The following COG6 variants were observed in gnomAD, a reference collection of about 807,000 sequenced individuals.
COG6 encodes the protein conserved oligomeric Golgi complex subunit 6.
Under a neutral mutation model 88.8 loss-of-function variants are expected in COG6, and 74 were observed. The ratio of observed to expected loss-of-function variants is 0.83; its 90% CI spans 0.69 to 1.01. The LOEUF (loss-of-function observed/expected upper bound fraction) is 1.01, where lower values mean the gene tolerates loss of function less well. Among genes scored for constraint, COG6 ranks in the 50% least tolerant of loss-of-function variants. The probability of loss-of-function intolerance (pLI) is 0.00; values close to 1 mark genes in which losing one functional copy is unlikely to be tolerated. For missense variants in COG6, 800 were observed against 797.9 expected, an observed-to-expected ratio of 1.00 and a Z score of -0.03; for synonymous variants, 286 against 278.7, an observed-to-expected ratio of 1.03 and a Z score of -0.26.
chr13:39,701,490 C>G (rs1877575062), intron 13 of COG6, among the ~76,000 whole-genome samples: 1 of 151,814 alleles, frequency 6.6e-6, no homozygotes. Context: ...TTGGGAAACA[C>G]TGACGTTTAA....
chr13:39,734,757 T>C, intron 18 of COG6, among the ~76,000 whole-genome samples: 1 of 152,222 alleles, frequency 6.6e-6, no homozygotes, highest in Admixed American at 6.5e-5. Flanking sequence ...CTAATAATGC[T>C]TGCTTTGTAT....
chr13:39,683,225 C>T (rs373968862), intron 8 of COG6, among the ~76,000 whole-genome samples: 36 of 152,256 alleles, frequency 2.4e-4, no homozygotes, highest in African/African-American at 4.3e-4. Context: ...GATAAACAAA[C>T]GCATTTTAAT....
At chr13:39,761,097 A>T (rs1473894946) in intron 18 of COG6, among the ~76,000 whole-genome samples, 2 of 152,000 alleles carry the variant, frequency 1.3e-5, no homozygotes, top group East Asian at 3.9e-4. Context: ...CTATGTATCA[A>T]TTTGAGGAGA....
chr13:39,695,795 CTTG>C (rs1299938773), intron 12 of COG6, among the ~76,000 whole-genome samples: 2 of 151,894 alleles, frequency 1.3e-5, no homozygotes, highest in Admixed American at 6.6e-5. Flanking sequence ...TAGATATAAA[CTTG>C]TTGTCATCAT....
chr13:39,767,901 A>T (rs527508747), intron 18 of COG6, among the ~76,000 whole-genome samples: 69 of 152,306 alleles, frequency 4.5e-4, no homozygotes, highest in African/African-American at 1.6e-3. Context: ...CTTTGATTTT[A>T]AAAATGGAGA....
intron 18 of COG6, among the ~76,000 whole-genome samples, chr13:39,749,228 A>G (rs1880498234): frequency 1.3e-5 from 2 of 152,226 alleles, no homozygotes; most frequent in African/African-American, 4.8e-5. Context: ...GACTCTGTAA[A>G]TAAGGAAAAA....
At chr13:39,693,762 C>T (rs1490781960) in intron 11 of COG6, among the ~76,000 whole-genome samples, 3 of 151,786 alleles carry the variant, frequency 2.0e-5, no homozygotes, top group East Asian at 3.9e-4. Context: ...TGTTTTATGA[C>T]ATATGCCAAA....
intron 12 of COG6, among the ~76,000 whole-genome samples, chr13:39,699,055 A>C (rs1160777797): frequency 6.6e-6 from 1 of 151,860 alleles, no homozygotes. Flanking sequence ...TGTGTTATTG[A>C]TATAGTATAA....
intron 8 of COG6, among the ~76,000 whole-genome samples, chr13:39,685,828 C>G (rs1020199665): frequency 7.9e-5 from 12 of 151,862 alleles, no homozygotes; most frequent in Admixed American, 2.6e-4. Context: ...GGCAATTATG[C>G]AATTTAGCAA....
At chr13:39,742,413 A>G (rs1020241618) in intron 18 of COG6, among the ~76,000 whole-genome samples, 10 of 152,152 alleles carry the variant, frequency 6.6e-5, no homozygotes, top group African/African-American at 2.2e-4. Context: ...AGGAAGATCT[A>G]CCAAGCAAAT....
downstream of COG6, among the ~76,000 whole-genome samples, chr13:39,754,511 C>T (rs1220416002): frequency 6.6e-6 from 1 of 152,058 alleles, no homozygotes; most frequent in African/African-American, 2.4e-5. Context: ...TATTCTTATG[C>T]TAGGTTGTTA....
chr13:39,768,522 A>T (rs1379824802), intron 18 of COG6, among the ~76,000 whole-genome samples: 1 of 152,216 alleles, frequency 6.6e-6, no homozygotes, highest in African/African-American at 2.4e-5. Context: ...TGGAGGGGCC[A>T]GAAAAACAAA....
chr13:39,679,596 T>C lies in COG6; in HGVS notation c.599T>C (p.Leu200Ser). 1 of 1,607,610 alleles carries C rather than the reference T, an allele frequency of 6.2e-7. No individual in the cohort carries two copies. Among genetic ancestry groups the C allele is most frequent in the South Asian group, 1.1e-5 (1 of 90,942 alleles). ...KQIHNDVKVL[L>S]RTNQQTAGLE... ...ATTCATAATGATGTCAAAGTTCTCTTGCGTACAAATCAACAAACGGCAGGG... is the reference window on the plus strand; with the variant it reads ...ATTCATAATGATGTCAAAGTTCTCTCGCGTACAAATCAACAAACGGCAGGG... Residue 200 changes from leucine to serine, a missense_variant, in exon 6 of 19, where the codon TTG becomes TCG. Leu to Ser is a moderately radical substitution (Grantham distance 145, BLOSUM62 -2). Coordinates refer to ENST00000455146, the MANE Select transcript of COG6 (RefSeq NM_020751.3).
intron 12 of COG6, among the ~76,000 whole-genome samples, chr13:39,698,805 G>A (rs892506309): frequency 4.0e-5 from 6 of 151,720 alleles, no homozygotes; most frequent in Admixed American, 6.6e-5. Context: ...ATCACTTTTA[G>A]TATGTGAATT....
At chr13:39,677,162 T>G (rs1013574314) in intron 4 of COG6, among the ~76,000 whole-genome samples, 3 of 152,208 alleles carry the variant, frequency 2.0e-5, no homozygotes, top group African/African-American at 7.2e-5. Context: ...GTGAACTATT[T>G]AAGTACTTGT....
intron 18 of COG6, among the ~76,000 whole-genome samples, chr13:39,763,077 A>G (rs1881069763): frequency 6.6e-6 from 1 of 151,704 alleles, no homozygotes; most frequent in Admixed American, 6.6e-5. Context: ...AATGTGATGA[A>G]TTATATTTAT....
intron 13 of COG6, 103 bp from the exon 14 acceptor site, chr13:39,719,131 CTG>C (rs1451366303): frequency 2.8e-6 from 3 of 1,063,268 alleles, no homozygotes; most frequent in African/African-American, 1.8e-5. Flanking sequence ...ATGTGTGAGT[CTG>C]TGCTTTATAA....
In COG6 at chr13:39,679,984, T is replaced by TATGG. The variant is rs748969222; in HGVS notation, c.635_638dup (p.Glu213AspfsTer13). ...ATTAATTTTTTTTTAGTTTAGAAAT[T>TATGG]ATGGAACAGATGGCCTTACTTCAAG... On this transcript the variant is annotated frameshift_variant, in exon 7 of 19. Coordinates refer to ENST00000455146, the MANE Select transcript of COG6 (RefSeq NM_020751.3). LOFTEE classifies it high-confidence loss of function. 2 of 1,548,392 alleles carry TATGG rather than the reference T, an allele frequency of 1.3e-6. No homozygotes were observed. Among genetic ancestry groups the TATGG allele is most frequent in the Non-Finnish European group, 1.8e-6 (2 of 1,122,408 alleles).
At chr13:39,732,982 T>C (rs4133063) in intron 18 of COG6, among the ~76,000 whole-genome samples, 75,224 of 151,746 alleles carry the variant, frequency 0.5, 19,131 homozygotes, top group South Asian at 0.69. Context: ...TACTGACTTC[T>C]TGTTAGAAAC....
Sources: allele counts gnomAD v4.1 joint callset (sites outside exome capture counted in the v4.1 genomes callset), GRCh38; gene constraint gnomAD v4.1.1; transcripts MANE v1.5; gene names NCBI Gene and HGNC (gene_info 2026-07-23, HGNC 2026-07-21).